The following SYNE2 variants were observed in gnomAD, a reference collection of about 807,000 sequenced individuals.
SYNE2 encodes the protein nesprin-2.
In SYNE2, 431 loss-of-function variants were observed where a neutral mutation model predicts 856.3. The ratio of observed to expected loss-of-function variants is 0.50; its 90% confidence interval spans 0.47 to 0.55. The LOEUF is 0.55. Among genes scored for constraint, SYNE2 ranks in the 20% least tolerant of loss-of-function variants. The pLI is 0.00. For missense variants in SYNE2, 8,129 were observed against 8,023.2 expected (o/e 1.01, Z -0.50); for synonymous variants, 2,923 against 2,872.3 (o/e 1.02, Z -0.56).
At chr14:64,154,327 C>T (rs2098268789) in intron 85 of SYNE2, among the ~76,000 whole-genome samples, 2 of 152,030 alleles carry the variant, frequency 1.3e-5, no homozygotes, top group Admixed American at 1.3e-4. Flanking sequence ...CATTGGACTT[C>T]ATCAAAACTA....
At chr14:63,948,766 A>C (rs28446097) in intron 6 of SYNE2, among the ~76,000 whole-genome samples, 2 of 57,902 alleles carry the variant, frequency 3.5e-5, no homozygotes, top group East Asian at 4.8e-4. Flanking sequence ...ATATGTATAT[A>C]TATGTATGTG....
chr14:63,832,137 A>G (rs1461522523), intron 1 of SYNE2, among the ~76,000 whole-genome samples: 1 of 152,086 alleles, frequency 6.6e-6, no homozygotes, highest in African/African-American at 2.4e-5. Flanking sequence ...CAAATTAATC[A>G]TGCTCATTTT....
chr14:64,139,915 CTT>C, intron 79 of SYNE2, 24 bp from the exon 80 acceptor site: 5 of 1,613,644 alleles, frequency 3.1e-6, no homozygotes, highest in Non-Finnish European at 4.2e-6. Flanking sequence ...TCTAATCTGC[CTT>C]CTCTCTCACT....
chr14:64,148,375 C>T (rs1404318720), intron 84 of SYNE2, among the ~76,000 whole-genome samples: 1 of 152,156 alleles, frequency 6.6e-6, no homozygotes, highest in African/African-American at 2.4e-5. Context: ...ATTTGCTCTG[C>T]TCATTAGAAA....
intron 1 of SYNE2, among the ~76,000 whole-genome samples, chr14:63,795,400 T>G (rs908661599): frequency 3.9e-5 from 6 of 152,186 alleles, no homozygotes; most frequent in African/African-American, 1.2e-4. Flanking sequence ...TTCTTCAGTT[T>G]TGGGACTCGG....
At chr14:63,897,249 T>C (rs2095267204) in intron 1 of SYNE2, among the ~76,000 whole-genome samples, 1 of 152,016 alleles carries the variant, frequency 6.6e-6, no homozygotes, top group African/African-American at 2.4e-5. Flanking sequence ...TGAGACCCTA[T>C]CTCTAAATAA....
chr14:64,137,269 A>G (rs547538668), intron 78 of SYNE2, among the ~76,000 whole-genome samples: 1 of 152,214 alleles, frequency 6.6e-6, no homozygotes, highest in East Asian at 1.9e-4. Context: ...GCACAATCTC[A>G]GCTCACTGCA....
chr14:64,090,932 C>A lies in SYNE2; in HGVS notation c.11860C>A (p.Leu3954Met). Residue 3954 changes from leucine to methionine, a missense_variant, in exon 60 of 116, where the codon CTG becomes ATG. Leu to Met is a conservative substitution (Grantham distance 15). Around this residue, in one of 3 missense-constraint regions of SYNE2, gnomAD observed 5,410 missense variants for 5,284.8 expected, o/e 1.02. Transcript: ENST00000555002. ...TGAGATAGTGTCTTACCAAGTGGAA[C>A]TGAGGTTGCCCCAAACAGGAATGAA... Reference protein sequence around the residue: ...IAEIVSYQVELRLPQTGMKPL... With the variant: ...IAEIVSYQVEMRLPQTGMKPL... The A allele has an allele frequency of 1.2e-6, 2 of 1,614,122 alleles. No homozygotes were observed. The highest frequency in any genetic ancestry group is 2.2e-5 in the South Asian group (2 of 91,080).
At chr14:64,026,353 G>A (rs985232156) in intron 41 of SYNE2, among the ~76,000 whole-genome samples, 8 of 152,146 alleles carry the variant, frequency 5.3e-5, no homozygotes, top group Admixed American at 5.2e-4. Context: ...AAAATCTAGA[G>A]AAGAGCAGGA....
intron 98 of SYNE2, 72 bp from the exon 99 acceptor site, chr14:64,189,999 C>A: frequency 4.7e-6 from 7 of 1,475,330 alleles, no homozygotes; most frequent in Non-Finnish European, 6.6e-6. Context: ...AGAGGTAACT[C>A]TATGTCTGTG....
intron 94 of SYNE2, chr14:64,173,855 C>A (rs1369885700): frequency 1.6e-6 from 1 of 633,298 alleles, no homozygotes; most frequent in East Asian, 2.8e-5. Context: ...AAAGTTTTTA[C>A]TTTATTTTTG....
In SYNE2 at chr14:63,956,186, T is replaced by G. The variant is rs555375349; in HGVS notation, c.787+1271T>G. On this transcript the variant is annotated intron_variant, in intron 8 of 115. Coordinates refer to ENST00000555002, the MANE Select transcript of SYNE2 (RefSeq NM_182914.3). ...ATAAATGCTACTGCTATGACTGATT[T>G]CAAGTTACCAATGTGCAGTCACTGA... Among the ~76,000 whole-genome samples the G allele has an allele frequency of 1.4e-4, 21 of 152,326 alleles. No individual in the cohort carries two copies. The South Asian group carries it at 3.1e-3, about 23-fold the overall frequency.
chr14:64,018,036 A>C (rs566431173), intron 34 of SYNE2, among the ~76,000 whole-genome samples: 1 of 152,290 alleles, frequency 6.6e-6, no homozygotes, highest in East Asian at 1.9e-4. Context: ...GATAACTATC[A>C]TGTAATTGTT....
At position 64,024,961 on chromosome 14, in the gene SYNE2, G is replaced by C; in HGVS notation, c.5890G>C (p.Glu1964Gln). Residue 1964 changes from glutamate to glutamine, a missense_variant, in exon 40 of 116, where the codon GAG becomes CAG. Physicochemically the swap from Glu to Gln is conservative, Grantham distance 29. Around this residue, in one of 3 missense-constraint regions of SYNE2, gnomAD observed 2,422 missense variants for 2,357.4 expected, o/e 1.03. Coordinates refer to ENST00000555002, the MANE Select transcript of SYNE2 (RefSeq NM_182914.3). The part of the protein sequence containing the change: ...NLRKWLTNQE[E>Q]KWKGMEEPGE... Reference sequence around the variant, plus strand: ...GAGGAAGTGGTTGACTAATCAAGAAGAGAAATGGAAAGGAATGGAAGAACC... The same window carrying C: ...GAGGAAGTGGTTGACTAATCAAGAACAGAAATGGAAAGGAATGGAAGAACC... 6.2e-7 allele frequency: 1 copy of C among 1,614,016 alleles called. No homozygotes were observed. The highest frequency in any genetic ancestry group is 8.5e-7 in the Non-Finnish European group (1 of 1,179,928).
intron 51 of SYNE2, among the ~76,000 whole-genome samples, chr14:64,070,226 G>A (rs1023382068): frequency 3.3e-5 from 5 of 152,156 alleles, no homozygotes; most frequent in African/African-American, 9.7e-5. Context: ...TTAGCATACA[G>A]GGATTGGAAG....
chr14:63,942,095 C>G lies in SYNE2; in HGVS notation c.360C>G (p.Asn120Lys). 3 of 1,611,284 alleles carry G rather than the reference C, an allele frequency of 1.9e-6. No homozygotes were observed. The highest frequency in any genetic ancestry group is 2.5e-6 in the Non-Finnish European group (3 of 1,178,076). The stretch of plus-strand genomic sequence containing the variant: ...ATGTTACTGATATCATTGATGGAAA[C>G]CCATCCATTATCCTTGGCCTAATTT... ...NIHVTDIIDG[N>K]PSIILGLIWT... The change falls in exon 6 of 116, where the codon AAC (asparagine) becomes AAG (lysine). Residue 120 changes from asparagine to lysine, a missense_variant. Physicochemically the swap from Asn to Lys is moderately conservative, Grantham distance 94 (BLOSUM62 0). This residue lies in a region of SYNE2 where 2,422 missense variants were observed against 2,357.4 expected (regional missense o/e 1.03). Transcript: ENST00000555002.
intron 1 of SYNE2, among the ~76,000 whole-genome samples, chr14:63,893,760 G>A (rs919504502): frequency 6.6e-6 from 1 of 152,218 alleles, no homozygotes; most frequent in Non-Finnish European, 1.5e-5. Context: ...CACAGGGCCA[G>A]GGTAGGCTCA....
chr14:64,029,519 A>G (rs946961954), intron 43 of SYNE2, among the ~76,000 whole-genome samples: 6 of 152,194 alleles, frequency 3.9e-5, no homozygotes, highest in African/African-American at 1.4e-4. Flanking sequence ...AAGTGTGGAA[A>G]TTGGTAGTTG....
In SYNE2 at chr14:64,052,775, G is replaced by T. The variant is rs373930498; in HGVS notation, c.8862G>T (p.Ala2954=). The change falls in exon 48 of 116, where the codon GCG becomes GCT. Residue 2954 remains alanine (A), a synonymous_variant. Transcript: ENST00000555002. ...FCRQFHEKTS[A]LQEEADSIQR... is the part of the protein sequence containing the mutation. ...GACAATTCCATGAAAAAACATCAGC[G>T]CTTCAGGAGGAGGCTGACAGTATAC... is the stretch of plus-strand genomic sequence containing the variant. 3.5e-5 allele frequency: 56 copies of T among 1,612,192 alleles called. No individual in the cohort carries two copies. The highest frequency in any genetic ancestry group is 4.5e-5 in the Non-Finnish European group (53 of 1,179,274).
Sources: gnomAD v4.1 joint callset for allele counts (sites outside exome capture counted in the v4.1 genomes callset) on GRCh38, gnomAD v4.1.1 for gene constraint, gnomAD v4.1.1 regional missense constraint, MANE v1.5 for transcripts, NCBI Gene and HGNC (gene_info 2026-07-23, HGNC 2026-07-21) for gene names.